Variants in NBPF12 observed in about 807,000 individuals in gnomAD.
NBPF12 encodes the protein NBPF member 12, also known as NBPF family member NBPF12.
A neutral mutation model predicts 146.4 loss-of-function variants in NBPF12; 115 were observed. The ratio of observed to expected loss-of-function variants is 0.79; its 90% confidence interval spans 0.68 to 0.92. The LOEUF is 0.92. NBPF12 is among the 40% of genes least tolerant of loss of function. The probability of loss-of-function intolerance (pLI) is 0.00; values close to 1 mark genes in which losing one functional copy is unlikely to be tolerated. For missense variants in NBPF12, 1,205 were observed against 1,326.8 expected (o/e 0.91, Z 1.43); for synonymous variants, 385 against 508.9 (o/e 0.76, Z 3.28).
At chr1:146,970,791 G>T (rs1286263241) in intron 12 of NBPF12, 72 bp downstream of exon 15, 6 of 1,218,394 alleles carry the variant, frequency 4.9e-6, no homozygotes, top group Non-Finnish European at 4.9e-6. Context: ...TGCCCTCTCT[G>T]GCATCTATGA....
intron 4 of NBPF12, among the ~76,000 whole-genome samples, chr1:146,960,901 A>C (rs1377281260): frequency 3.3e-5 from 5 of 152,124 alleles, no homozygotes; most frequent in Non-Finnish European, 5.9e-5. Flanking sequence ...TAATCTCAGC[A>C]CTTTGGGAGG....
chr1:146,969,007 T>A lies in NBPF12; in HGVS notation c.1092-375T>A, dbSNP rs1383373348. 2.6e-5 allele frequency among the ~76,000 whole-genome samples: 4 copies of A among 151,610 alleles called. 1 individual carries two copies. Among genetic ancestry groups the A allele is most frequent in the African/African-American group, 4.9e-5 (2 of 40,988 alleles). ...TCACCCCATCTGCATCTGGCCTCAT[T>A]TCTGTACATGGCTTTGTGTCTAGTG... On this transcript the variant is annotated intron_variant, in intron 10 of 33. Coordinates refer to ENST00000617844, the Ensembl canonical transcript of NBPF12.
At position 146,972,722 on chromosome 1, in the gene NBPF12, C is replaced by T. The variant is rs1553886755; in HGVS notation, c.1592-29C>T. 1.4e-5 allele frequency: 19 copies of T among 1,374,642 alleles called. 1 individual carries two copies. In the African/African-American group the frequency reaches 1.9e-4, roughly 14 times the overall value. The allele number at this position is 1,374,642 out of a possible 1,614,324, so 85.2% of individuals were successfully genotyped here. On this transcript the variant is annotated intron_variant, in intron 13 of 33. Transcript: ENST00000617844. ...TATTTCATTTCATCAGTTTTTAACC[C>T]ATCATGTGTTTGCCTTTCTTCTCCC...
exon 8 of NBPF12, chr1:146,965,009 A>C: frequency 6.2e-7 from 1 of 1,608,540 alleles, no homozygotes; most frequent in Non-Finnish European, 8.5e-7. Flanking sequence ...AAGAACATCA[A>C]AATCACATTT....
intron 2 of NBPF12, among the ~76,000 whole-genome samples, chr1:146,956,734 C>T (rs1185886186): frequency 5.5e-5 from 8 of 145,126 alleles, no homozygotes; most frequent in East Asian, 2.1e-4. Context: ...ATTTTGTTAG[C>T]ATATTACATC....
At chr1:146,972,711 A>T (rs1553886751) in intron 13 of NBPF12, 40 bp from the exon 17 acceptor site, 25 of 1,382,858 alleles carry the variant, frequency 1.8e-5, no homozygotes, top group Non-Finnish European at 2.3e-5. Context: ...TCATTTCATC[A>T]GTTTTTAACC....
intron 19 of NBPF12, among the ~76,000 whole-genome samples, chr1:146,980,628 G>C (rs1201535768): frequency 6.6e-6 from 1 of 151,998 alleles, no homozygotes; most frequent in South Asian, 2.1e-4. Flanking sequence ...CTTTAAGAAT[G>C]TTGAAGGTGC....
intron 1 of NBPF12, among the ~76,000 whole-genome samples, chr1:146,950,741 T>G (rs1655290115): frequency 6.6e-6 from 1 of 152,140 alleles, no homozygotes; most frequent in East Asian, 1.9e-4. Context: ...ATTCTTGTAT[T>G]GATAGATATT....
chr1:146,975,902 C>T lies in NBPF12; in HGVS notation c.2119+11C>T. ...AAAAGCTCAGCCCAGGTAAGGTGGCCATAGGCCCTGATGACCCAAAACCCC... is the reference window on the plus strand; with the variant it reads ...AAAAGCTCAGCCCAGGTAAGGTGGCTATAGGCCCTGATGACCCAAAACCCC... On this transcript the variant is annotated intron_variant, in intron 16 of 33. Coordinates refer to ENST00000617844, the Ensembl canonical transcript of NBPF12. The T allele has an allele frequency of 6.2e-7, 1 of 1,609,982 alleles. No individual in the cohort carries two copies. The highest frequency in any genetic ancestry group is 8.5e-7 in the Non-Finnish European group (1 of 1,179,546).
intron 31 of NBPF12, 148 bp downstream of exon 34, chr1:146,992,194 A>G: frequency 1.8e-6 from 1 of 558,808 alleles, no homozygotes; most frequent in South Asian, 2.0e-5. Flanking sequence ...TTTTCATTGC[A>G]GTAGATACTT....
At chr1:146,994,710 C>A (rs587681598) in exon 34 of NBPF12, 1 of 1,436,682 alleles carries the variant, frequency 7.0e-7, no homozygotes. Context: ...TATTCCTATT[C>A]TCAGAGCATG....
exon 7 of NBPF12, chr1:146,964,375 A>G: frequency 6.2e-7 from 1 of 1,603,294 alleles, no homozygotes; most frequent in African/African-American, 1.3e-5. Flanking sequence ...GAAGATGAGG[A>G]TGAAGATGTT....
chr1:146,949,913 C>T (rs1193866209), intron 1 of NBPF12, among the ~76,000 whole-genome samples: 10 of 151,872 alleles, frequency 6.6e-5, no homozygotes, highest in Non-Finnish European at 1.2e-4. Flanking sequence ...ACTTCATCTT[C>T]TCCAACCAGC....
At chr1:146,975,479 G>A (rs1212750328) in intron 15 of NBPF12, among the ~76,000 whole-genome samples, 198 bp from the exon 19 acceptor site, 6 of 149,826 alleles carry the variant, frequency 4.0e-5, no homozygotes, top group African/African-American at 1.5e-4. Context: ...GGATCTTGCA[G>A]GAGCCCTCTC....
upstream of NBPF12, among the ~76,000 whole-genome samples, chr1:146,946,861 A>G (rs1266487088): frequency 2.0e-5 from 3 of 151,986 alleles, no homozygotes; most frequent in African/African-American, 7.3e-5. Flanking sequence ...AGGATATAAC[A>G]TGCATACCTG....
chr1:146,962,351 C>T (rs1655904448), intron 5 of NBPF12, 88 bp downstream of exon 8: 12 of 1,110,072 alleles, frequency 1.1e-5, no homozygotes, highest in South Asian at 7.4e-5. Flanking sequence ...AAGAACGAAG[C>T]TGGGCCAGGG....
chr1:146,966,645 C>A (rs1228236443), exon 9 of NBPF12: 2 of 1,484,658 alleles, frequency 1.3e-6, no homozygotes, highest in Admixed American at 1.7e-5. Context: ...AACTGGCCGG[C>A]TTCCTGGCCA....
intron 11 of NBPF12, 24 bp downstream of exon 14, chr1:146,969,620 G>A: frequency 6.2e-7 from 1 of 1,608,382 alleles, no homozygotes; most frequent in Non-Finnish European, 8.5e-7. Flanking sequence ...AGGCCCTGAT[G>A]ACCCAAAACC....
chr1:146,984,591 G>A (rs1400964504), intron 21 of NBPF12, among the ~76,000 whole-genome samples: 1 of 77,540 alleles, frequency 1.3e-5, no homozygotes, highest in South Asian at 3.5e-4. Flanking sequence ...GTGTGTGTGT[G>A]TGTGTGTGTG....
Sources: gnomAD v4.1 joint callset for allele counts (sites outside exome capture counted in the v4.1 genomes callset) on GRCh38, gnomAD v4.1.1 for gene constraint, MANE v1.5 for transcripts, NCBI Gene and HGNC (gene_info 2026-07-23, HGNC 2026-07-21) for gene names.